RORA: variants seen among roughly 807,000 people sequenced by gnomAD.
RORA encodes RAR related orphan receptor A.
Under a neutral mutation model 69.5 loss-of-function variants are expected in RORA, and 7 were observed. The ratio of observed to expected loss-of-function variants is 0.10; its 90% confidence interval spans 0.06 to 0.19. The LOEUF (loss-of-function observed/expected upper bound fraction) is 0.19, where lower values mean the gene tolerates loss of function less well. Ranked by LOEUF, RORA falls within the 10% of genes least tolerant of loss-of-function variation. The probability of loss-of-function intolerance (pLI) is 1.00; values close to 1 mark genes in which losing one functional copy is unlikely to be tolerated. For missense variants in RORA, 457 were observed against 663.0 expected, an observed-to-expected ratio of 0.69 and a Z score of 3.41; for synonymous variants, 261 against 240.8, an observed-to-expected ratio of 1.08 and a Z score of -0.78.
At chr15:61,196,426 T>G (rs1455991173) in intron 1 of RORA, among the ~76,000 whole-genome samples, 1 of 152,196 alleles carries the variant, frequency 6.6e-6, no homozygotes, top group Non-Finnish European at 1.5e-5. Context: ...GTTCTGAAGG[T>G]CCTGTGCCTG....
At chr15:61,137,730 G>A (rs2079259045) in intron 1 of RORA, among the ~76,000 whole-genome samples, 1 of 152,110 alleles carries the variant, frequency 6.6e-6, no homozygotes, top group South Asian at 2.1e-4. Context: ...CAATCAATTT[G>A]CATTACATTA....
At chr15:60,842,735 C>T (rs1215363653) in intron 1 of RORA, among the ~76,000 whole-genome samples, 1 of 151,698 alleles carries the variant, frequency 6.6e-6, no homozygotes, top group East Asian at 1.9e-4. Context: ...GTCATGGTCA[C>T]CCCCTCCCAA....
intron 2 of RORA, among the ~76,000 whole-genome samples, chr15:60,668,736 A>G (rs556535413): frequency 6.6e-6 from 1 of 152,356 alleles, no homozygotes; most frequent in East Asian, 1.9e-4. Context: ...AGAAAGAGAG[A>G]TAAATTAACT....
At position 60,524,477 on chromosome 15, in the gene RORA, C is replaced by A. The variant is rs528291033; in HGVS notation, c.282+7289G>T. Among the ~76,000 whole-genome samples the A allele has an allele frequency of 2.0e-5, 3 of 152,340 alleles. No homozygotes were observed. In the South Asian group the frequency reaches 6.2e-4, roughly 32 times the overall value. On this transcript the variant is annotated intron_variant, in intron 3 of 10. Coordinates refer to ENST00000335670, the MANE Select transcript of RORA (RefSeq NM_134261.3). ...CCACAGTTCCCCAAAGAAACTCTCT[C>A]CTTCCCTTCAGGATTCACTGAGAAG...
intron 2 of RORA, among the ~76,000 whole-genome samples, chr15:60,632,444 T>C: frequency 6.6e-6 from 1 of 152,154 alleles, no homozygotes; most frequent in East Asian, 1.9e-4. Flanking sequence ...CAGATAGACT[T>C]AGGTGTAGGT....
At chr15:60,979,790 T>C (rs1234297273) in intron 1 of RORA, among the ~76,000 whole-genome samples, 1 of 152,232 alleles carries the variant, frequency 6.6e-6, no homozygotes, top group East Asian at 1.9e-4. Context: ...AATCATGTCA[T>C]CCACTAATAG....
At chr15:61,208,075 A>G (rs983647475) in intron 1 of RORA, among the ~76,000 whole-genome samples, 1 of 152,214 alleles carries the variant, frequency 6.6e-6, no homozygotes, top group Non-Finnish European at 1.5e-5. Flanking sequence ...CATTTCTCTA[A>G]GAGAGACCTG....
At chr15:60,926,351 T>G (rs1473991459) in intron 1 of RORA, among the ~76,000 whole-genome samples, 1 of 152,190 alleles carries the variant, frequency 6.6e-6, no homozygotes, top group Non-Finnish European at 1.5e-5. Flanking sequence ...CAGCTTTCCA[T>G]AAGCCCTTGC....
intron 2 of RORA, among the ~76,000 whole-genome samples, chr15:60,620,038 G>A (rs939491924): frequency 6.6e-6 from 1 of 152,116 alleles, no homozygotes; most frequent in Non-Finnish European, 1.5e-5. Context: ...AAGGTCCCAC[G>A]GTCAGCATCT....
intron 1 of RORA, among the ~76,000 whole-genome samples, chr15:60,689,877 C>T (rs141081417): frequency 0.011 from 1,613 of 152,230 alleles, 35 homozygotes; most frequent in African/African-American, 0.036. Context: ...TTCCCTAAAG[C>T]CTTCAGAGGG....
chr15:60,993,594 G>T (rs895890039), intron 1 of RORA, among the ~76,000 whole-genome samples: 6 of 124,830 alleles, frequency 4.8e-5, no homozygotes, highest in Non-Finnish European at 9.4e-5. Flanking sequence ...AGTGAGCTAA[G>T]ATCACGCCAC....
intron 2 of RORA, among the ~76,000 whole-genome samples, chr15:60,626,392 G>T (rs2069582170): frequency 6.6e-6 from 1 of 152,128 alleles, no homozygotes; most frequent in South Asian, 2.1e-4. Context: ...TGTTGTTGTT[G>T]TCGTTGTTGT....
chr15:60,672,524 T>C (rs2070488742), intron 2 of RORA, among the ~76,000 whole-genome samples: 1 of 152,190 alleles, frequency 6.6e-6, no homozygotes, highest in Non-Finnish European at 1.5e-5. Flanking sequence ...TGCCTAGCAC[T>C]CAGTGCCCCA....
intron 1 of RORA, among the ~76,000 whole-genome samples, chr15:60,764,344 C>T (rs1023763238): frequency 1.2e-4 from 19 of 152,132 alleles, no homozygotes; most frequent in African/African-American, 4.1e-4. Flanking sequence ...TTTGATTTTT[C>T]TCTGGTCCTC....
intron 1 of RORA, among the ~76,000 whole-genome samples, chr15:61,065,851 A>T (rs968163078): frequency 1.3e-5 from 2 of 152,194 alleles, no homozygotes; most frequent in Non-Finnish European, 2.9e-5. Context: ...CTACTCCTTT[A>T]ATCTGACTAC....
intron 1 of RORA, among the ~76,000 whole-genome samples, chr15:60,827,248 A>C (rs1366374011): frequency 6.6e-6 from 1 of 152,218 alleles, no homozygotes. Context: ...GCTCTGCTAA[A>C]ATACACATAT....
intron 1 of RORA, among the ~76,000 whole-genome samples, chr15:61,079,764 G>T (rs1362313821): frequency 2.0e-5 from 3 of 152,206 alleles, no homozygotes; most frequent in Non-Finnish European, 4.4e-5. Context: ...CAATGAGCTG[G>T]CTAGGGAGTT....
intron 1 of RORA, among the ~76,000 whole-genome samples, chr15:61,063,147 CA>C (rs2078210320): frequency 6.6e-6 from 1 of 152,240 alleles, no homozygotes; most frequent in Admixed American, 6.5e-5. Flanking sequence ...CACTTAATGG[CA>C]CCACCAGCAA....
chr15:60,769,465 T>C (rs774555327), intron 1 of RORA, among the ~76,000 whole-genome samples: 2 of 152,180 alleles, frequency 1.3e-5, no homozygotes, highest in Non-Finnish European at 2.9e-5. Context: ...TATGCACCTG[T>C]AAGCCAAGAT....
Sources: allele counts gnomAD v4.1 joint callset (sites outside exome capture counted in the v4.1 genomes callset), GRCh38; gene constraint gnomAD v4.1.1; transcripts MANE v1.5; gene names NCBI Gene and HGNC (gene_info 2026-07-23, HGNC 2026-07-21).